GSN: variants seen among roughly 807,000 people sequenced by gnomAD.
The protein encoded by GSN is actin-depolymerizing factor.
In GSN, 56 loss-of-function variants were observed where a neutral mutation model predicts 85.7. That is an observed-to-expected ratio of 0.65 (90% CI 0.53 to 0.82). The LOEUF is 0.82. Among genes scored for constraint, GSN ranks in the 40% least tolerant of loss-of-function variants. The pLI, the probability that GSN is intolerant of heterozygous loss-of-function variation, is 0.00. For synonymous variants in GSN, 373 were observed against 399.1 expected (o/e 0.93, Z 0.78); for missense variants, 857 against 979.8 (o/e 0.87, Z 1.67).
chr9:121,327,159 G>T, intron 13 of GSN, 149 bp from the exon 14 acceptor site: 1 of 784,842 alleles, frequency 1.3e-6, no homozygotes, highest in Non-Finnish European at 2.3e-6. Context: ...GGCCATCAGG[G>T]TCCAAAGTCT....
chr9:121,311,373 T>G, intron 5 of GSN: 1 of 176,588 alleles, frequency 5.7e-6, no homozygotes, highest in Admixed American at 5.4e-5. Context: ...GACCTGCAAA[T>G]GGACACGGCC....
At chr9:121,215,246 C>T (rs1011228202) in intron 4 of GSN, among the ~76,000 whole-genome samples, 6 of 139,436 alleles carry the variant, frequency 4.3e-5, no homozygotes, top group Admixed American at 3.6e-4. Flanking sequence ...TATGACCCAT[C>T]TTAATTTCCA....
chr9:121,326,537 C>A lies in GSN; in HGVS notation c.1442C>A (p.Pro481His). The A allele has an allele frequency of 1.2e-6, 2 of 1,613,974 alleles. No individual in the cohort carries two copies. The highest frequency in any genetic ancestry group is 1.3e-5 in the African/African-American group (1 of 75,036). The change falls in exon 13 of 18, where the codon CCC becomes CAC. Residue 481 changes from proline (P) to histidine (H), a missense_variant. Coordinates refer to ENST00000432226, the MANE Select transcript of GSN (RefSeq NM_198252.3). ...AGCCGTGTGGTCCAAGGCAAGGAGC[C>A]CGCCCACCTCATGAGCCTGTTTGGT... The part of the protein sequence containing the change: ...VQSRVVQGKE[P>H]AHLMSLFGGK...
rs866787008 is a variant in GSN at position 121,285,995 on chromosome 9, A to G, written c.-10+4433A>G. Reference sequence around the variant, plus strand: ...GGTTTTAATTGTGTTGAGGAGAAGAACCATTTCCGGAACTGTGTGTGCCTG... The same window carrying G: ...GGTTTTAATTGTGTTGAGGAGAAGAGCCATTTCCGGAACTGTGTGTGCCTG... On this transcript the variant is annotated intron_variant, in intron 2 of 17. Coordinates refer to ENST00000432226, the MANE Select transcript of GSN (RefSeq NM_198252.3). 39 of 812,226 alleles carry G rather than the reference A, an allele frequency of 4.8e-5. 1 individual carries two copies. Among genetic ancestry groups the G allele is most frequent in the Non-Finnish European group, 7.1e-5 (35 of 493,664 alleles). 50.3% of individuals were successfully genotyped at this position (812,226 alleles called of 1,614,324 possible). A position where few individuals can be genotyped will look rare whatever the true frequency, so the allele number is the denominator to read the frequency against.
intron 5 of GSN, among the ~76,000 whole-genome samples, chr9:121,233,086 A>G (rs1029148940): frequency 6.6e-6 from 1 of 152,168 alleles, no homozygotes; most frequent in Non-Finnish European, 1.5e-5. Flanking sequence ...GGTAGAAGTG[A>G]TGCTCTCTGT....
At chr9:121,300,247 C>T (rs1360943691) in intron 2 of GSN, 1 of 724,438 alleles carries the variant, frequency 1.4e-6, no homozygotes. Context: ...TTCCCCTGTC[C>T]TCCTCTAACA....
intron 11 of GSN, among the ~76,000 whole-genome samples, chr9:121,322,691 T>C (rs1367638267): frequency 6.6e-6 from 1 of 152,204 alleles, no homozygotes; most frequent in Non-Finnish European, 1.5e-5. Flanking sequence ...TGGTTCCCTA[T>C]AGTCACACTC....
At chr9:121,279,490 GA>G (rs1461810547) in intron 1 of GSN, among the ~76,000 whole-genome samples, 3 of 152,018 alleles carry the variant, frequency 2.0e-5, no homozygotes, top group Non-Finnish European at 4.4e-5. Flanking sequence ...GAGAAGGGGG[GA>G]CACTCTGGAT....
At chr9:121,227,027 G>T (rs142019532) in intron 4 of GSN, among the ~76,000 whole-genome samples, 4 of 152,248 alleles carry the variant, frequency 2.6e-5, no homozygotes, top group Non-Finnish European at 5.9e-5. Context: ...CCTGCAATCA[G>T]CACCTCTCCA....
At position 121,329,660 on chromosome 9, in the gene GSN, T is replaced by C. The variant is rs1376071898; in HGVS notation, c.1965+345T>C. On this transcript the variant is annotated intron_variant, in intron 16 of 17. Coordinates refer to ENST00000432226, the MANE Select transcript of GSN (RefSeq NM_198252.3). The surrounding 1 kb of genome is among the most constrained non-coding windows in gnomAD (Gnocchi z 4.6). ...GAGGAAGTTGAACTTAGCAGCATCT[T>C]GTTTGCAGGCATAAACTGTCCAGTG... is the stretch of plus-strand genomic sequence containing the variant. Among the ~76,000 whole-genome samples the C allele has an allele frequency of 1.3e-5, 2 of 152,196 alleles. No homozygotes were observed. Among genetic ancestry groups the C allele is most frequent in the African/African-American group, 4.8e-5 (2 of 41,436 alleles).
chr9:121,208,769 G>C (rs1484502274), intron 1 of GSN, among the ~76,000 whole-genome samples: 1 of 152,232 alleles, frequency 6.6e-6, no homozygotes, highest in Non-Finnish European at 1.5e-5. Flanking sequence ...TATTACTAAT[G>C]AGGGAAGAAA....
chr9:121,313,993 GGCCAACCGCAA>G lies in GSN; in HGVS notation c.726_736del (p.Asn243GlyfsTer20). On this transcript the variant is annotated frameshift_variant, in exon 7 of 18. Coordinates refer to ENST00000432226, the MANE Select transcript of GSN (RefSeq NM_198252.3). LOFTEE classifies it high-confidence loss of function. ...CCGAGGACACCGCCAAGGAGGATGCGGCCAACCGCAAGCTGGCCAAGCTCTACAAGGTGAGC... is the reference window on the plus strand; with the variant it reads ...CCGAGGACACCGCCAAGGAGGATGCGGCTGGCCAAGCTCTACAAGGTGAGC... The G allele has an allele frequency of 6.2e-7, 1 of 1,614,148 alleles. No homozygotes were observed. The highest frequency in any genetic ancestry group is 8.5e-7 in the Non-Finnish European group (1 of 1,179,954).
intron 6 of GSN, among the ~76,000 whole-genome samples, chr9:121,254,135 A>G (rs1279796056): frequency 6.6e-6 from 1 of 152,222 alleles, no homozygotes; most frequent in South Asian, 2.1e-4. Context: ...AAGAAAAAAG[A>G]TCATTTCCTT....
chr9:121,247,794 A>G (rs1254308477), intron 5 of GSN, among the ~76,000 whole-genome samples: 2 of 152,150 alleles, frequency 1.3e-5, no homozygotes, highest in African/African-American at 2.4e-5. Flanking sequence ...ATGAACCCCA[A>G]TGTTAGCCCT....
chr9:121,224,939 C>T (rs965541333), intron 4 of GSN, among the ~76,000 whole-genome samples: 7 of 152,084 alleles, frequency 4.6e-5, no homozygotes, highest in Admixed American at 1.3e-4. Context: ...CTATCTGAGC[C>T]TCCAGAGTAG....
rs1003103374 is a variant in GSN, at chr9:121,237,541, ACT to A, written c.-389+6241_-389+6242del. Among the ~76,000 whole-genome samples the A allele has an allele frequency of 4.4e-4, 67 of 152,168 alleles. 2 individuals carry two copies. The highest frequency in any genetic ancestry group is 7.3e-5 in the Non-Finnish European group (5 of 68,030). ...ACTCCAGCCTGAGCGACAGAGCAAG[ACT>A]CTGCCTCAAAAACAAACAAACAAAC... On this transcript the variant is annotated intron_variant, in intron 5 of 24. Coordinates refer to the GSN transcript ENST00000373823.
chr9:121,242,202 C>A (rs2054617792), intron 5 of GSN, among the ~76,000 whole-genome samples: 1 of 152,116 alleles, frequency 6.6e-6, no homozygotes, highest in Non-Finnish European at 1.5e-5. Context: ...AATAAATGAG[C>A]ATTGTAAATA....
intron 4 of GSN, among the ~76,000 whole-genome samples, chr9:121,218,881 G>A (rs899983950): frequency 7.2e-5 from 11 of 152,156 alleles, no homozygotes; most frequent in African/African-American, 2.7e-4. Context: ...TTTAGCCTAA[G>A]TGACTCCATT....
At chr9:121,225,229 C>G (rs2054251073) in intron 4 of GSN, among the ~76,000 whole-genome samples, 1 of 152,008 alleles carries the variant, frequency 6.6e-6, no homozygotes, top group South Asian at 2.1e-4. Context: ...AATTGGACTA[C>G]AAAATGCTTT....
Sources: gnomAD v4.1 joint callset for allele counts (sites outside exome capture counted in the v4.1 genomes callset) on GRCh38, gnomAD v4.1.1 for gene constraint, Gnocchi (gnomAD v3.1) non-coding constraint, MANE v1.5 for transcripts, NCBI Gene and HGNC (gene_info 2026-07-23, HGNC 2026-07-21) for gene names.